TNFAIP8: variants seen among roughly 807,000 people sequenced by gnomAD.
TNFAIP8 encodes the protein TNF alpha induced protein 8.
A neutral mutation model predicts 13.3 loss-of-function variants in TNFAIP8; 7 were observed. The ratio of observed to expected loss-of-function variants is 0.52; its 90% confidence interval spans 0.30 to 0.99. The LOEUF (loss-of-function observed/expected upper bound fraction) is 0.99, where lower values mean the gene tolerates loss of function less well. Among genes scored for constraint, TNFAIP8 ranks in the 50% least tolerant of loss-of-function variants. The pLI, the probability that TNFAIP8 is intolerant of heterozygous loss-of-function variation, is 0.07. For missense variants in TNFAIP8, 258 were observed against 236.9 expected (o/e 1.09, Z -0.58); for synonymous variants, 94 against 87.6 (o/e 1.07, Z -0.41).
At chr5:119,274,823 AT>A (rs948048799) in intron 1 of TNFAIP8, among the ~76,000 whole-genome samples, 2 of 152,158 alleles carry the variant, frequency 1.3e-5, no homozygotes, top group African/African-American at 2.4e-5. Flanking sequence ...CTTTGAACTT[AT>A]CCAATGTGCT....
intron 1 of TNFAIP8, among the ~76,000 whole-genome samples, chr5:119,349,199 C>G (rs1166199070): frequency 6.6e-6 from 1 of 152,208 alleles, no homozygotes; most frequent in Non-Finnish European, 1.5e-5. Context: ...AATTGCCACA[C>G]CTATCTGGAA....
At chr5:119,273,103 C>T (rs1748336951) in intron 1 of TNFAIP8, among the ~76,000 whole-genome samples, 1 of 152,220 alleles carries the variant, frequency 6.6e-6, no homozygotes, top group Non-Finnish European at 1.5e-5. Flanking sequence ...ATCAGCAGCT[C>T]ATGTCTCAGC....
rs1306030655 is a variant in TNFAIP8 at position 119,393,135 on chromosome 5, T to G, written c.351T>G (p.His117Gln). 3.1e-6 allele frequency: 5 copies of G among 1,613,910 alleles called. No individual in the cohort carries two copies. The Admixed American group carries it at 6.7e-5, about 22-fold the overall frequency. ...TTGCTATGACCGTGGTCAGTTTCCA[T>G]CAGGTGGATTATACCTTTGACCGGA... is the stretch of plus-strand genomic sequence containing the variant. ...HQLAMTVVSF[H>Q]QVDYTFDRNV... The change falls in exon 2 of 2, where the codon CAT (histidine) becomes CAG (glutamine). Residue 117 changes from histidine (H) to glutamine (Q), a missense_variant. Coordinates refer to ENST00000504771, the MANE Select transcript of TNFAIP8 (RefSeq NM_014350.4).
chr5:119,334,580 T>C (rs1750488442), intron 1 of TNFAIP8, among the ~76,000 whole-genome samples: 2 of 151,130 alleles, frequency 1.3e-5, no homozygotes, highest in Non-Finnish European at 2.9e-5. Flanking sequence ...ATAGTAAATG[T>C]ACATTCGTCT....
At chr5:119,383,677 G>GA (rs1247299299) in intron 1 of TNFAIP8, among the ~76,000 whole-genome samples, 1 of 152,008 alleles carries the variant, frequency 6.6e-6, no homozygotes, top group African/African-American at 2.4e-5. Flanking sequence ...TATGCAGGGA[G>GA]AAAAAAAACA....
At chr5:119,338,126 A>G (rs1219208263) in intron 1 of TNFAIP8, among the ~76,000 whole-genome samples, 1 of 148,932 alleles carries the variant, frequency 6.7e-6, no homozygotes, top group Non-Finnish European at 1.5e-5. Context: ...TGACATCCTC[A>G]TTCCTGGCTC....
intron 1 of TNFAIP8, among the ~76,000 whole-genome samples, chr5:119,362,099 T>C (rs963630685): frequency 1.3e-5 from 2 of 152,276 alleles, no homozygotes; most frequent in Non-Finnish European, 2.9e-5. Flanking sequence ...GATCAGACAG[T>C]GGACCCTATG....
At chr5:119,287,697 T>A (rs1304283167) in intron 1 of TNFAIP8, among the ~76,000 whole-genome samples, 1 of 152,198 alleles carries the variant, frequency 6.6e-6, no homozygotes. Context: ...TTTGTGCCCG[T>A]GTTCTCAGTA....
chr5:119,295,536 TGTA>T (rs1449709553), intron 1 of TNFAIP8, among the ~76,000 whole-genome samples: 1 of 152,120 alleles, frequency 6.6e-6, no homozygotes, highest in Admixed American at 6.5e-5. Flanking sequence ...ACTGTAGCCT[TGTA>T]GTATAGTTTG....
chr5:119,317,489 T>A (rs192700009), intron 1 of TNFAIP8, among the ~76,000 whole-genome samples: 1 of 151,676 alleles, frequency 6.6e-6, no homozygotes, highest in Admixed American at 6.6e-5. Context: ...TTTAATTGTA[T>A]CAAAATCAGT....
intron 1 of TNFAIP8, among the ~76,000 whole-genome samples, chr5:119,308,207 C>A (rs1749622753): frequency 6.6e-6 from 1 of 152,152 alleles, no homozygotes; most frequent in Non-Finnish European, 1.5e-5. Flanking sequence ...AGCGTTCTTG[C>A]AAATGACAGC....
intron 1 of TNFAIP8, among the ~76,000 whole-genome samples, chr5:119,361,609 A>T (rs1166333531): frequency 1.3e-5 from 2 of 152,216 alleles, no homozygotes; most frequent in African/African-American, 4.8e-5. Flanking sequence ...CGTGGCTCTG[A>T]TAGCTTTAGG....
chr5:119,314,843 G>A (rs143953102), intron 1 of TNFAIP8, among the ~76,000 whole-genome samples: 348 of 152,266 alleles, frequency 2.3e-3, no homozygotes, highest in African/African-American at 7.6e-3. Flanking sequence ...CATGTATGGC[G>A]CATAGTAAAG....
chr5:119,362,127 G>T (rs545562530), intron 1 of TNFAIP8, among the ~76,000 whole-genome samples: 15 of 152,324 alleles, frequency 9.8e-5, no homozygotes, highest in Admixed American at 5.9e-4. Flanking sequence ...AGAAGAGGGG[G>T]TATTCACCAA....
At chr5:119,339,851 C>T (rs971060936) in intron 1 of TNFAIP8, among the ~76,000 whole-genome samples, 2 of 152,186 alleles carry the variant, frequency 1.3e-5, no homozygotes, top group South Asian at 2.1e-4. Flanking sequence ...CATTTCATAA[C>T]TATGACCTTA....
chr5:119,341,604 T>G (rs1439693485), intron 1 of TNFAIP8, among the ~76,000 whole-genome samples: 1 of 152,226 alleles, frequency 6.6e-6, no homozygotes. Context: ...AGCTTTTGCC[T>G]TAGATGAGAA....
rs77856693 is a variant in TNFAIP8 at position 119,269,723 on chromosome 5, C to T, written c.1+816C>T. 6.7e-3 allele frequency among the ~76,000 whole-genome samples: 1,019 copies of T among 152,282 alleles called. 29 individuals carry two copies. The East Asian group carries it at 0.082, about 12-fold the overall frequency. ...TCATGGAAGGAATCAAACAGTAGTT[C>T]AGTGCCCAGTGTTGAAACAAGAAAA... is the stretch of plus-strand genomic sequence containing the variant. On this transcript the variant is annotated intron_variant, in intron 1 of 1. Coordinates refer to the TNFAIP8 transcript ENST00000274456.
intron 1 of TNFAIP8, among the ~76,000 whole-genome samples, chr5:119,364,889 T>C (rs1296419649): frequency 7.1e-6 from 1 of 140,116 alleles, no homozygotes; most frequent in Non-Finnish European, 1.5e-5. Context: ...TCTTGCTCTG[T>C]CGCCCATGCT....
chr5:119,283,649 C>T (rs1012420754), intron 1 of TNFAIP8, among the ~76,000 whole-genome samples: 4 of 152,146 alleles, frequency 2.6e-5, no homozygotes, highest in Admixed American at 1.3e-4. Context: ...ATTGCTCTTA[C>T]TCCCTCCTTT....
Sources: gnomAD v4.1 joint callset for allele counts (sites outside exome capture counted in the v4.1 genomes callset) on GRCh38, gnomAD v4.1.1 for gene constraint, MANE v1.5 for transcripts, NCBI Gene and HGNC (gene_info 2026-07-23, HGNC 2026-07-21) for gene names.